ZNF385B: variants seen among roughly 807,000 people sequenced by gnomAD.
ZNF385B encodes zinc finger protein 533.
A neutral mutation model predicts 39.2 loss-of-function variants in ZNF385B; 23 were observed. The ratio of observed to expected loss-of-function variants is 0.59; its 90% confidence interval spans 0.42 to 0.83. The LOEUF is 0.83. ZNF385B is among the 40% of genes least tolerant of loss of function. The probability of loss-of-function intolerance (pLI) is 0.00; values close to 1 mark genes in which losing one functional copy is unlikely to be tolerated. For synonymous variants in ZNF385B, 205 were observed against 222.6 expected, an observed-to-expected ratio of 0.92 and a Z score of 0.70; for missense variants, 552 against 598.9, an observed-to-expected ratio of 0.92 and a Z score of 0.82.
At chr2:179,596,610 C>A (rs79258242) in intron 3 of ZNF385B, among the ~76,000 whole-genome samples, 2,395 of 152,274 alleles carry the variant, frequency 0.016, 29 homozygotes, top group East Asian at 0.056. Context: ...CTATTAGGCA[C>A]AACTTTAGTG....
intron 6 of ZNF385B, among the ~76,000 whole-genome samples, chr2:179,450,993 C>T (rs1428248566): frequency 6.6e-6 from 1 of 150,634 alleles, no homozygotes; most frequent in Non-Finnish European, 1.5e-5. Flanking sequence ...AGCAAACTAT[C>T]GCAAGGACAA....
chr2:179,503,710 G>A (rs571939753), intron 5 of ZNF385B, among the ~76,000 whole-genome samples: 320 of 152,116 alleles, frequency 2.1e-3, no homozygotes, highest in South Asian at 3.5e-3. Context: ...TCCCACCTAT[G>A]AGTGAGAACA....
At chr2:179,816,822 T>G (rs1237892771) in intron 1 of ZNF385B, among the ~76,000 whole-genome samples, 1 of 152,190 alleles carries the variant, frequency 6.6e-6, no homozygotes, top group South Asian at 2.1e-4. Flanking sequence ...GTACTCTAAT[T>G]GCCATTCTCT....
Position 179,797,914 on chromosome 2 carries a change from G to T in ZNF385B, c.-154-27242C>A, listed in dbSNP as rs138083034. On this transcript the variant is annotated intron_variant, in intron 1 of 9. Transcript: ENST00000410066. Reference sequence around the variant, plus strand: ...CTAATCCTACCATTCATTCATTTATGAGCTAATATACTCTTACAAAAAGAA... The same window carrying T: ...CTAATCCTACCATTCATTCATTTATTAGCTAATATACTCTTACAAAAAGAA... Among the ~76,000 whole-genome samples, 900 of 151,998 alleles carry T rather than the reference G, an allele frequency of 5.9e-3. 11 individuals carry two copies. The highest frequency in any genetic ancestry group is 0.021 in the African/African-American group (866 of 41,460).
At chr2:179,565,621 T>C (rs979368303) in intron 3 of ZNF385B, among the ~76,000 whole-genome samples, 13 of 152,234 alleles carry the variant, frequency 8.5e-5, no homozygotes, top group African/African-American at 2.9e-4. Flanking sequence ...GCTCCAGAAA[T>C]GTTCACTGCA....
intron 4 of ZNF385B, among the ~76,000 whole-genome samples, chr2:179,527,860 C>A (rs1228363130): frequency 6.6e-6 from 1 of 152,092 alleles, no homozygotes; most frequent in East Asian, 1.9e-4. Context: ...AAATATCCAA[C>A]ATTCTAGTTG....
intron 3 of ZNF385B, among the ~76,000 whole-genome samples, chr2:179,632,253 T>G (rs1051831164): frequency 6.6e-6 from 1 of 152,202 alleles, no homozygotes; most frequent in Non-Finnish European, 1.5e-5. Flanking sequence ...TATACATTCT[T>G]CTCAGCACCA....
At chr2:179,640,356 G>A (rs1429371892) in intron 3 of ZNF385B, among the ~76,000 whole-genome samples, 3 of 151,980 alleles carry the variant, frequency 2.0e-5, no homozygotes, top group African/African-American at 7.3e-5. Context: ...GAATTTGGGA[G>A]TGAAGTGTCT....
At chr2:179,753,393 TTG>T (rs1702804923) in intron 3 of ZNF385B, among the ~76,000 whole-genome samples, 10 of 152,226 alleles carry the variant, frequency 6.6e-5, no homozygotes, top group African/African-American at 2.4e-4. Flanking sequence ...CTTTGCTCTT[TTG>T]GCTTAGGATT....
rs532217244 is a variant in ZNF385B, at chr2:179,532,268, C to T, written c.441+12559G>A. 7.9e-5 allele frequency among the ~76,000 whole-genome samples: 12 copies of T among 152,288 alleles called. No individual in the cohort carries two copies. The East Asian group carries it at 1.7e-3, about 22-fold the overall frequency. The stretch of plus-strand genomic sequence containing the variant: ...ATTTACCAAATTTATTTCAAATATA[C>T]GCAAAGCCCTCTCTGCCTCTATATG... On this transcript the variant is annotated intron_variant, in intron 4 of 9. Transcript: ENST00000410066.
At chr2:179,616,741 TG>T (rs1250132563) in intron 3 of ZNF385B, among the ~76,000 whole-genome samples, 2 of 152,028 alleles carry the variant, frequency 1.3e-5, no homozygotes, top group Non-Finnish European at 2.9e-5. Flanking sequence ...TTTTATTTTC[TG>T]GGAAGACAGG....
chr2:179,855,925 A>G (rs900432202), intron 1 of ZNF385B, among the ~76,000 whole-genome samples: 4 of 152,150 alleles, frequency 2.6e-5, no homozygotes, highest in African/African-American at 9.7e-5. Flanking sequence ...CAAGCTCTCA[A>G]ATCTGGTGGT....
At chr2:179,775,846 T>C (rs1704281344) in intron 1 of ZNF385B, among the ~76,000 whole-genome samples, 2 of 152,252 alleles carry the variant, frequency 1.3e-5, no homozygotes, top group Admixed American at 1.3e-4. Flanking sequence ...TGAAAGGTTG[T>C]CTTCACTGTG....
At chr2:179,445,446 G>T in intron 8 of ZNF385B, 104 bp downstream of exon 8, 1 of 1,136,312 alleles carries the variant, frequency 8.8e-7, no homozygotes, top group Admixed American at 2.6e-5. Context: ...ACAAAAGTTA[G>T]TCAACTTAAC....
chr2:179,672,244 A>C (rs1256629007), intron 3 of ZNF385B, among the ~76,000 whole-genome samples: 1 of 152,240 alleles, frequency 6.6e-6, no homozygotes, highest in Admixed American at 6.5e-5. Context: ...CTTTTGGAAT[A>C]GGAATGTTTG....
intron 3 of ZNF385B, among the ~76,000 whole-genome samples, chr2:179,644,271 T>A (rs1355286416): frequency 6.6e-6 from 1 of 152,180 alleles, no homozygotes; most frequent in Non-Finnish European, 1.5e-5. Context: ...AGCAGTTCAC[T>A]TGCCTTGAAT....
intron 6 of ZNF385B, among the ~76,000 whole-genome samples, chr2:179,463,779 T>C (rs992734382): frequency 4.6e-5 from 7 of 152,222 alleles, no homozygotes; most frequent in African/African-American, 1.7e-4. Flanking sequence ...TGGTTCCAAG[T>C]CTTTGCTATT....
At chr2:179,787,046 T>C (rs189487408) in intron 1 of ZNF385B, among the ~76,000 whole-genome samples, 18 of 152,270 alleles carry the variant, frequency 1.2e-4, no homozygotes, top group African/African-American at 4.3e-4. Context: ...ATAGCTTTTA[T>C]TTGTGAATTT....
chr2:179,539,537 T>A (rs1559435699), intron 4 of ZNF385B, among the ~76,000 whole-genome samples: 2 of 152,154 alleles, frequency 1.3e-5, no homozygotes. Context: ...TCAGAAGAAG[T>A]CTCTTCTTAA....
Sources: gnomAD v4.1 joint callset for allele counts (sites outside exome capture counted in the v4.1 genomes callset) on GRCh38, gnomAD v4.1.1 for gene constraint, MANE v1.5 for transcripts, NCBI Gene and HGNC (gene_info 2026-07-23, HGNC 2026-07-21) for gene names.